VCL: variants seen among roughly 807,000 people sequenced by gnomAD.
The protein encoded by VCL is vinculin, also known as epididymis luminal protein 114.
A neutral mutation model predicts 125.7 loss-of-function variants in VCL; 47 were observed. That is an observed-to-expected ratio of 0.37 (90% confidence interval 0.30 to 0.48). VCL has a LOEUF of 0.48. Ranked by LOEUF, VCL falls within the 20% of genes least tolerant of loss-of-function variation. The pLI, the probability that VCL is intolerant of heterozygous loss-of-function variation, is 0.99. For synonymous variants in VCL, 458 were observed against 514.6 expected (o/e 0.89, Z 1.49); for missense variants, 1,069 against 1,455.5 (o/e 0.73, Z 4.32).
At chr10:74,032,915 C>G (rs1840908475) in intron 1 of VCL, among the ~76,000 whole-genome samples, 1 of 151,998 alleles carries the variant, frequency 6.6e-6, no homozygotes, top group Non-Finnish European at 1.5e-5. Context: ...AGTTGGAACC[C>G]TCTCATGTAG....
intron 7 of VCL, 95 bp downstream of exon 7, chr10:74,082,639 A>C: frequency 1.6e-6 from 2 of 1,286,362 alleles, no homozygotes; most frequent in Non-Finnish European, 2.2e-6. Context: ...TCATCATCTG[A>C]GAGAACTACT....
rs1060504504 is a variant in VCL at position 74,118,103 on chromosome 10, A to C, written c.3339A>C (p.Ser1113=). 6.2e-6 allele frequency: 10 copies of C among 1,614,060 alleles called. No individual in the cohort carries two copies. Among genetic ancestry groups the C allele is most frequent in the Non-Finnish European group, 8.5e-6 (10 of 1,180,032 alleles). ...CTGTGCGGGAAGCTGAAGCTGCTTC[A>C]ATCAAAATTCGAACAGATGCTGGAT... ...KETVREAEAA[S]IKIRTDAGFT... Residue 1113 remains serine (S), a synonymous_variant, in exon 22 of 22, where the codon TCA becomes TCC. Transcript: ENST00000211998.
intron 17 of VCL, 84 bp from the exon 18 acceptor site, chr10:74,108,887 A>G: frequency 1.3e-6 from 2 of 1,554,554 alleles, no homozygotes; most frequent in Non-Finnish European, 8.8e-7. Context: ...TGGGTTTTCT[A>G]GGGATGCTTT....
chr10:74,022,705 C>T (rs1196103589), intron 1 of VCL, among the ~76,000 whole-genome samples: 4 of 150,532 alleles, frequency 2.7e-5, no homozygotes, highest in Admixed American at 1.3e-4. Context: ...GACACGATCT[C>T]GGCTCACTGC....
chr10:74,026,470 G>A (rs552794032), intron 1 of VCL, among the ~76,000 whole-genome samples: 8 of 152,276 alleles, frequency 5.3e-5, no homozygotes, highest in Non-Finnish European at 7.3e-5. Flanking sequence ...GGAACCCACC[G>A]CATGGGGGAG....
intron 8 of VCL, among the ~76,000 whole-genome samples, chr10:74,084,879 T>A (rs1303934306): frequency 6.6e-6 from 1 of 152,190 alleles, no homozygotes; most frequent in Non-Finnish European, 1.5e-5. Flanking sequence ...CCCAAAGTGC[T>A]GGGATTATAG....
chr10:74,091,481 T>C (rs1431349824), intron 10 of VCL, among the ~76,000 whole-genome samples: 7 of 152,050 alleles, frequency 4.6e-5, no homozygotes, highest in Non-Finnish European at 1.0e-4. Flanking sequence ...ATAAAGGAAC[T>C]CTTAAGAGAG....
chr10:74,009,221 C>T (rs975055531), intron 1 of VCL, among the ~76,000 whole-genome samples: 5 of 112,312 alleles, frequency 4.5e-5, no homozygotes, highest in East Asian at 2.6e-4. Context: ...TGCTTTCCCC[C>T]CCCCCCCCCG....
chr10:74,104,252 G>A (rs1258400561), intron 15 of VCL, among the ~76,000 whole-genome samples: 1 of 152,198 alleles, frequency 6.6e-6, no homozygotes, highest in Non-Finnish European at 1.5e-5. Flanking sequence ...GAGGCTGGGA[G>A]GCGGTGTTTG....
intron 14 of VCL, 144 bp from the exon 15 acceptor site, chr10:74,103,676 C>T (rs1236956583): frequency 1.3e-6 from 1 of 755,248 alleles, no homozygotes; most frequent in Non-Finnish European, 2.3e-6. Context: ...TGAGACCAAA[C>T]CTCATGTATT....
rs1440522650 is a variant in VCL, at chr10:74,064,065, TTCTG to T, written c.240-6600_240-6597del. Among the ~76,000 whole-genome samples, 5 of 152,338 alleles carry T rather than the reference TTCTG, an allele frequency of 3.3e-5. No homozygotes were observed. In the East Asian group the frequency reaches 9.6e-4, roughly 29 times the overall value. Reference sequence around the variant, plus strand: ...TATTGGGTGCCTGGTATACCCACACTTCTGTCTGACTTTACTACAAAGTTGGGAG... The same window carrying T: ...TATTGGGTGCCTGGTATACCCACACTTCTGACTTTACTACAAAGTTGGGAG... On this transcript the variant is annotated intron_variant, in intron 2 of 21. Transcript: ENST00000211998.
chr10:74,102,544 T>C (rs1207605373), intron 14 of VCL, among the ~76,000 whole-genome samples: 1 of 152,248 alleles, frequency 6.6e-6, no homozygotes, highest in Non-Finnish European at 1.5e-5. Flanking sequence ...TATAAATTTG[T>C]GATACTGGCT....
chr10:74,077,887 C>T (rs1399247830), intron 6 of VCL: 2 of 267,598 alleles, frequency 7.5e-6, no homozygotes, highest in East Asian at 1.1e-4. Context: ...GTAACTTTGA[C>T]TTTAAACACT....
chr10:74,082,559 C>T lies in VCL; in HGVS notation c.874+15C>T, dbSNP rs1360689159. 1 of 1,613,186 alleles carries T rather than the reference C, an allele frequency of 6.2e-7. No homozygotes were observed. Among genetic ancestry groups the T allele is most frequent in the South Asian group, 1.1e-5 (1 of 91,038 alleles). Reference sequence around the variant, plus strand: ...TGCCTCCCCAGGTAACCCTCTAGTTCTGCTTTTCTGATCAATACAACGAGA... The same window carrying T: ...TGCCTCCCCAGGTAACCCTCTAGTTTTGCTTTTCTGATCAATACAACGAGA... On this transcript the variant is annotated intron_variant, in intron 7 of 21. Coordinates refer to ENST00000211998, the MANE Select transcript of VCL (RefSeq NM_014000.3).
At chr10:74,027,197 G>C (rs139303125) in intron 1 of VCL, among the ~76,000 whole-genome samples, 227 of 152,242 alleles carry the variant, frequency 1.5e-3, no homozygotes, top group Non-Finnish European at 2.6e-3. Context: ...TACTTTCATG[G>C]TATTCACACA....
intron 2 of VCL, among the ~76,000 whole-genome samples, chr10:74,044,269 G>C (rs569906942): frequency 5.9e-5 from 9 of 151,910 alleles, no homozygotes. Context: ...AAACTTCTTA[G>C]GTTCTTATAT....
chr10:74,097,782 C>T lies in VCL; in HGVS notation c.1872+450C>T, dbSNP rs546518542. ...GTCAGGATGATCTTTTTAAATCAAT[C>T]GATGTCATTCTTATACTCAGACCCT... On this transcript the variant is annotated intron_variant, in intron 13 of 21. Transcript: ENST00000211998. This position sits in a 1 kb window ranked among gnomAD's most constrained non-coding sequence, Gnocchi z 4.1. Among the ~76,000 whole-genome samples the T allele has an allele frequency of 2.6e-4, 39 of 152,222 alleles. No individual in the cohort carries two copies. The highest frequency in any genetic ancestry group is 9.2e-4 in the African/African-American group (38 of 41,526).
At chr10:74,032,213 C>T (rs1379781541) in intron 1 of VCL, among the ~76,000 whole-genome samples, 3 of 132,500 alleles carry the variant, frequency 2.3e-5, no homozygotes, top group Non-Finnish European at 4.6e-5. Flanking sequence ...GCACTCTAGT[C>T]TGGGCAACAG....
At chr10:74,032,685 G>A (rs1485511259) in intron 1 of VCL, among the ~76,000 whole-genome samples, 1 of 124,548 alleles carries the variant, frequency 8.0e-6, no homozygotes, top group East Asian at 2.0e-4. Context: ...GGGTAACAAA[G>A]TAAGTCTCGG....
Sources: gnomAD v4.1 joint callset for allele counts (sites outside exome capture counted in the v4.1 genomes callset) on GRCh38, gnomAD v4.1.1 for gene constraint, Gnocchi (gnomAD v3.1) non-coding constraint, MANE v1.5 for transcripts, NCBI Gene and HGNC (gene_info 2026-07-23, HGNC 2026-07-21) for gene names.